GRM8: variants seen among roughly 807,000 people sequenced by gnomAD.
GRM8 encodes the protein metabotropic glutamate receptor 8.
GRM8 carries 47 observed loss-of-function variants against 87.2 expected under a neutral mutation model. The ratio of observed to expected loss-of-function variants is 0.54; its 90% CI spans 0.43 to 0.69. The LOEUF (loss-of-function observed/expected upper bound fraction) is 0.69, where lower values mean the gene tolerates loss of function less well. GRM8 is among the 30% of genes least tolerant of loss of function. GRM8 has a pLI of 0.00. For synonymous variants in GRM8, 396 were observed against 404.5 expected (o/e 0.98, Z 0.25); for missense variants, 1,019 against 1,139.2 (o/e 0.89, Z 1.52).
intron 3 of GRM8, among the ~76,000 whole-genome samples, chr7:127,005,808 T>C (rs79001765): frequency 0.012 from 1,863 of 151,958 alleles, 33 homozygotes; most frequent in African/African-American, 0.041. Context: ...CAGCTGGAAG[T>C]AGTCAAAGAA....
At chr7:126,485,905 G>A (rs570267611) in intron 9 of GRM8, among the ~76,000 whole-genome samples, 65 of 152,034 alleles carry the variant, frequency 4.3e-4, no homozygotes, top group South Asian at 2.1e-4. Flanking sequence ...CCAACAGAGC[G>A]AACTCTTTTC....
chr7:126,835,479 C>G (rs974257837), intron 6 of GRM8, among the ~76,000 whole-genome samples: 4 of 152,156 alleles, frequency 2.6e-5, no homozygotes, highest in African/African-American at 9.6e-5. Context: ...CAGCCAAGTT[C>G]CAAGTGCCTA....
intron 8 of GRM8, among the ~76,000 whole-genome samples, chr7:126,543,833 C>T (rs192475981): frequency 7.9e-5 from 12 of 152,184 alleles, no homozygotes; most frequent in African/African-American, 2.2e-4. Flanking sequence ...CAGTGGAAAA[C>T]GATGTAAAAA....
intron 3 of GRM8, among the ~76,000 whole-genome samples, chr7:126,994,406 C>T (rs1486643401): frequency 6.6e-6 from 1 of 152,262 alleles, no homozygotes; most frequent in Non-Finnish European, 1.5e-5. Context: ...CCAGCTCAGC[C>T]ATAGTAGCGC....
chr7:127,079,759 C>G (rs1822654893), intron 3 of GRM8, among the ~76,000 whole-genome samples: 1 of 152,196 alleles, frequency 6.6e-6, no homozygotes, highest in African/African-American at 2.4e-5. Flanking sequence ...CAGAGCCCAA[C>G]TGGTGAATCT....
At position 126,587,502 on chromosome 7, in the gene GRM8, A is replaced by C. The variant is rs970811605; in HGVS notation, c.1494+21860T>G. On this transcript the variant is annotated intron_variant, in intron 8 of 10. Coordinates refer to ENST00000339582, the MANE Select transcript of GRM8 (RefSeq NM_000845.3). ...CCATGGAATACTATGCAGCCATAAA[A>C]AAGGATGAGTTCATGTTCTTTGTAG... Among the ~76,000 whole-genome samples, 39 of 152,222 alleles carry C rather than the reference A, an allele frequency of 2.6e-4. 1 individual carries two copies.
At chr7:127,186,286 C>T (rs759318114) in intron 2 of GRM8, among the ~76,000 whole-genome samples, 4 of 152,008 alleles carry the variant, frequency 2.6e-5, no homozygotes, top group Non-Finnish European at 5.9e-5. Flanking sequence ...ATGTTCAAAC[C>T]AAGACTTGTA....
Position 126,770,150 on chromosome 7 carries a change from G to A in GRM8, c.1157-85C>T, listed in dbSNP as rs1014657918. ...TAGAGCTAAGATTTCCATCATTTGAGGAACACTTAATGAGACACGACTATT... is the reference window on the plus strand; with the variant it reads ...TAGAGCTAAGATTTCCATCATTTGAAGAACACTTAATGAGACACGACTATT... On this transcript the variant is annotated intron_variant, in intron 6 of 10. Coordinates refer to ENST00000339582, the MANE Select transcript of GRM8 (RefSeq NM_000845.3). 1.3e-5 allele frequency: 11 copies of A among 868,550 alleles called. No homozygotes were observed. In the African/African-American group the frequency reaches 1.5e-4, roughly 12 times the overall value. 53.8% of individuals were successfully genotyped at this position (868,550 alleles called of 1,614,324 possible).
chr7:126,595,838 T>C (rs138006757), intron 8 of GRM8, among the ~76,000 whole-genome samples: 102 of 152,308 alleles, frequency 6.7e-4, no homozygotes, highest in African/African-American at 2.0e-3. Flanking sequence ...GTCTTTATGA[T>C]AGAATGATTT....
chr7:126,634,277 TG>T (rs1257712966), intron 7 of GRM8, among the ~76,000 whole-genome samples: 3 of 152,166 alleles, frequency 2.0e-5, no homozygotes, highest in African/African-American at 7.2e-5. Context: ...CATTATCAGC[TG>T]TCTTGTTAAG....
chr7:127,075,703 T>G (rs993644239), intron 3 of GRM8, among the ~76,000 whole-genome samples: 23 of 152,278 alleles, frequency 1.5e-4, no homozygotes, highest in South Asian at 4.1e-4. Context: ...GACCTGTTTT[T>G]GAGCCACCTG....
At chr7:126,864,317 T>C (rs1798411830) in intron 6 of GRM8, among the ~76,000 whole-genome samples, 1 of 152,130 alleles carries the variant, frequency 6.6e-6, no homozygotes. Context: ...CTATTGCCTC[T>C]CCTTCATTAT....
At chr7:126,454,537 T>C (rs927310024) in intron 9 of GRM8, among the ~76,000 whole-genome samples, 19 of 151,452 alleles carry the variant, frequency 1.3e-4, no homozygotes, top group African/African-American at 4.1e-4. Flanking sequence ...TCCCTTAATA[T>C]AGTAAGAATC....
At chr7:126,525,188 C>T (rs969408175) in intron 9 of GRM8, among the ~76,000 whole-genome samples, 7 of 152,044 alleles carry the variant, frequency 4.6e-5, no homozygotes, top group African/African-American at 1.4e-4. Flanking sequence ...TTACCTGGCT[C>T]GCTTCTCTTA....
chr7:126,773,225 T>C (rs1011430936), intron 6 of GRM8, among the ~76,000 whole-genome samples: 1 of 152,080 alleles, frequency 6.6e-6, no homozygotes, highest in African/African-American at 2.4e-5. Flanking sequence ...ACCTCTTCTG[T>C]AAATATTATT....
chr7:126,527,569 C>G (rs534765622), intron 9 of GRM8, among the ~76,000 whole-genome samples: 29 of 152,296 alleles, frequency 1.9e-4, no homozygotes, highest in African/African-American at 7.0e-4. Context: ...TCTCTTCCAT[C>G]CTTGTCCAGG....
intron 2 of GRM8, among the ~76,000 whole-genome samples, chr7:127,205,908 C>T (rs1007041920): frequency 2.0e-5 from 3 of 152,140 alleles, no homozygotes; most frequent in South Asian, 2.1e-4. Context: ...CTTTTTTCAC[C>T]AGAAGCAGAA....
chr7:126,813,299 G>T (rs1032958367), intron 6 of GRM8, among the ~76,000 whole-genome samples: 1 of 152,028 alleles, frequency 6.6e-6, no homozygotes, highest in African/African-American at 2.4e-5. Flanking sequence ...CTTCACCAAG[G>T]TTATGAGCCT....
chr7:126,751,867 A>C (rs952553331), intron 7 of GRM8, among the ~76,000 whole-genome samples: 3 of 152,160 alleles, frequency 2.0e-5, no homozygotes, highest in Non-Finnish European at 2.9e-5. Context: ...GTGAGAAAGC[A>C]CATCCTTAGA....
Sources: gnomAD v4.1 joint callset for allele counts (sites outside exome capture counted in the v4.1 genomes callset) on GRCh38, gnomAD v4.1.1 for gene constraint, MANE v1.5 for transcripts, NCBI Gene and HGNC (gene_info 2026-07-23, HGNC 2026-07-21) for gene names.